VWF: variants seen among roughly 807,000 people sequenced by gnomAD.
VWF encodes the protein Factor VIII related antigen.
VWF carries 176 observed loss-of-function variants against 308.6 expected under a neutral mutation model. The ratio of observed to expected loss-of-function variants is 0.57; its 90% confidence interval spans 0.50 to 0.65. The LOEUF is 0.65. Ranked by LOEUF, VWF falls within the 30% of genes least tolerant of loss-of-function variation. The pLI, the probability that VWF is intolerant of heterozygous loss-of-function variation, is 0.00. For missense variants in VWF, 3,146 were observed against 3,648.2 expected (o/e 0.86, Z 3.55); for synonymous variants, 1,385 against 1,443.4 (o/e 0.96, Z 0.92).
At chr12:5,964,331 A>G (rs1943372940) in intron 47 of VWF, among the ~76,000 whole-genome samples, 3 of 138,108 alleles carry the variant, frequency 2.2e-5, no homozygotes, top group African/African-American at 8.0e-5. Context: ...CTACTGTCTC[A>G]TCATTCCCTA....
intron 17 of VWF, among the ~76,000 whole-genome samples, chr12:6,045,284 C>A (rs966933406): frequency 6.6e-6 from 1 of 152,206 alleles, no homozygotes; most frequent in Non-Finnish European, 1.5e-5. Context: ...CTCCTCTGGG[C>A]AAAACAGTCA....
chr12:6,076,356 C>T lies in VWF; in HGVS notation c.658-805G>A, dbSNP rs373611702. On this transcript the variant is annotated intron_variant, in intron 6 of 51. Coordinates refer to ENST00000261405, the MANE Select transcript of VWF (RefSeq NM_000552.5). ...TAATGACTCTAAATACACCTTTTTC[C>T]CACAGTGTAACATCTCTGAAGTTGG... Among the ~76,000 whole-genome samples the T allele has an allele frequency of 2.5e-4, 38 of 152,252 alleles. No individual in the cohort carries two copies. In the South Asian group the frequency reaches 7.7e-3, roughly 31 times the overall value.
chr12:6,103,438 A>G (rs371610577), intron 5 of VWF, among the ~76,000 whole-genome samples: 1,602 of 122,102 alleles, frequency 0.013, 73 homozygotes, highest in Middle Eastern at 0.052. Flanking sequence ...ACACGTGTGT[A>G]TATACATACA....
chr12:6,057,311 A>ATTTTTTTTTTT lies in VWF; in HGVS notation c.1730-250_1730-240dup, dbSNP rs1250165048. On this transcript the variant is annotated intron_variant, in intron 14 of 51. Transcript: ENST00000261405. ...AAGGTCGAAGGACGGGGACTATGGA[A>ATTTTTTTTTTT]TTTTTTTTTTTTTTTTTTGGAGAGA... Among the ~76,000 whole-genome samples, 476 of 129,328 alleles carry ATTTTTTTTTTT rather than the reference A, an allele frequency of 3.7e-3. 19 individuals carry two copies. Among genetic ancestry groups the ATTTTTTTTTTT allele is most frequent in the African/African-American group, 0.014 (455 of 32,688 alleles). 84.8% of individuals were successfully genotyped at this position (129,328 alleles called of 152,430 possible).
intron 34 of VWF, among the ~76,000 whole-genome samples, chr12:5,997,984 G>A (rs1034561737): frequency 1.3e-5 from 2 of 152,030 alleles, no homozygotes; most frequent in Non-Finnish European, 2.9e-5. Context: ...AATATCTCCT[G>A]AAATCATTTT....
rs569619989 is a variant in VWF, at chr12:6,020,638, C to T, written c.3675-895G>A. ...CAGCCCACAGGTGAAATCAAGTGAC[C>T]GTGTGGTGGAGACCAATATGGGCCA... On this transcript the variant is annotated intron_variant, in intron 27 of 51. Coordinates refer to ENST00000261405, the MANE Select transcript of VWF (RefSeq NM_000552.5). This position sits in a 1 kb window ranked among gnomAD's most constrained non-coding sequence, Gnocchi z 4.3. Among the ~76,000 whole-genome samples, 6 of 152,352 alleles carry T rather than the reference C, an allele frequency of 3.9e-5. No individual in the cohort carries two copies. The South Asian group carries it at 8.3e-4, about 21-fold the overall frequency.
chr12:6,064,407 G>A (rs1405109865), intron 11 of VWF, 23 bp from the exon 12 acceptor site: 3 of 1,613,498 alleles, frequency 1.9e-6, no homozygotes, highest in African/African-American at 2.7e-5. Context: ...AACACAGGGT[G>A]ACTTTGCTGC....
intron 5 of VWF, among the ~76,000 whole-genome samples, chr12:6,103,504 G>T (rs772575558): frequency 2.9e-5 from 3 of 103,868 alleles, no homozygotes; most frequent in African/African-American, 1.3e-4. Flanking sequence ...ATACACACAC[G>T]TATATATATA....
intron 16 of VWF, among the ~76,000 whole-genome samples, chr12:6,048,944 A>G (rs1280390249): frequency 4.6e-5 from 7 of 152,192 alleles, no homozygotes. Flanking sequence ...GTCATGTTCA[A>G]TCTGTCATTT....
At chr12:6,088,874 G>A (rs1054581495) in intron 6 of VWF, among the ~76,000 whole-genome samples, 5 of 152,220 alleles carry the variant, frequency 3.3e-5, no homozygotes. Flanking sequence ...GTGGAGACAG[G>A]CATTGGGTTT....
intron 31 of VWF, among the ~76,000 whole-genome samples, chr12:6,013,943 CA>C (rs1944025750): frequency 6.6e-6 from 1 of 152,036 alleles, no homozygotes; most frequent in Admixed American, 6.5e-5. Flanking sequence ...TATAGAATTT[CA>C]GATGTGGATA....
chr12:5,998,681 A>G (rs371776889), intron 34 of VWF, among the ~76,000 whole-genome samples: 4 of 151,704 alleles, frequency 2.6e-5, no homozygotes, highest in East Asian at 3.9e-4. Flanking sequence ...TGCTTTCAGC[A>G]TAAGTAGAAA....
At chr12:5,965,653 G>A (rs551104998) in intron 47 of VWF, among the ~76,000 whole-genome samples, 2 of 152,108 alleles carry the variant, frequency 1.3e-5, no homozygotes, top group Admixed American at 6.6e-5. Flanking sequence ...CTCACATCTC[G>A]GGCAACACTG....
rs189113692 is a variant in VWF, at chr12:6,029,275, C to T, written c.2967+67G>A. 2.9e-4 allele frequency: 463 copies of T among 1,606,084 alleles called. 2 individuals are homozygous for T. Among genetic ancestry groups the T allele is most frequent in the Non-Finnish European group, 7.7e-5 (91 of 1,175,656 alleles). ...CATAAAGCAAGTCCTTAGAGACCTA[C>T]GATCAGGGAGCAGAAAACACTCCAA... On this transcript the variant is annotated intron_variant, in intron 22 of 51. Coordinates refer to ENST00000261405, the MANE Select transcript of VWF (RefSeq NM_000552.5).
At chr12:6,053,352 G>T (rs890595120) in intron 15 of VWF, among the ~76,000 whole-genome samples, 4 of 152,164 alleles carry the variant, frequency 2.6e-5, no homozygotes, top group Non-Finnish European at 5.9e-5. Flanking sequence ...GACTTGTTAG[G>T]GGTATACCTC....
At chr12:6,123,281 C>CA (rs1945451199) in intron 1 of VWF, 85 bp from the exon 2 acceptor site, 1 of 1,460,542 alleles carries the variant, frequency 6.8e-7, no homozygotes. Flanking sequence ...CATGCAGTAG[C>CA]AAAAACATTT....
intron 47 of VWF, among the ~76,000 whole-genome samples, chr12:5,963,996 A>G (rs1463698531): frequency 2.6e-5 from 4 of 151,954 alleles, no homozygotes; most frequent in African/African-American, 7.3e-5. Flanking sequence ...TCACGAGGTC[A>G]GGAGATTGAG....
Position 5,962,162 on chromosome 12 carries a change from T to C in VWF, c.7887+5324A>G, listed in dbSNP as rs570744747. Among the ~76,000 whole-genome samples the C allele has an allele frequency of 1.9e-3, 292 of 152,268 alleles. 5 individuals are homozygous for C. Among genetic ancestry groups the C allele is most frequent in the Middle Eastern group, 3.4e-3 (1 of 294 alleles). ...TTTACAAATTACCCAGTCTCAGGTA[T>C]TGTGTTACAGCAGCACAGACTGAGA... On this transcript the variant is annotated intron_variant, in intron 47 of 51. Transcript: ENST00000261405.
In VWF at chr12:6,013,799, T is replaced by C. The variant is rs141540316; in HGVS notation, c.5456-154A>G. Among the ~76,000 whole-genome samples, 1,016 of 152,246 alleles carry C rather than the reference T, an allele frequency of 6.7e-3. 8 individuals carry two copies. The highest frequency in any genetic ancestry group is 0.023 in the African/African-American group (949 of 41,534). On this transcript the variant is annotated intron_variant, in intron 31 of 51. Coordinates refer to ENST00000261405, the MANE Select transcript of VWF (RefSeq NM_000552.5). The stretch of plus-strand genomic sequence containing the variant: ...GAGGAAGATGTTCAGTCAACAGATA[T>C]TAATGAGCTGCTACTCTGTGTCAGG...
Sources: gnomAD v4.1 joint callset for allele counts (sites outside exome capture counted in the v4.1 genomes callset) on GRCh38, gnomAD v4.1.1 for gene constraint, Gnocchi (gnomAD v3.1) non-coding constraint, MANE v1.5 for transcripts, NCBI Gene and HGNC (gene_info 2026-07-23, HGNC 2026-07-21) for gene names.